Variants in PLCXD3 observed in about 807,000 individuals in gnomAD.
PLCXD3 encodes phosphatidylinositol specific phospholipase C X domain containing 3.
PLCXD3 carries 19 observed loss-of-function variants against 25.5 expected under a neutral mutation model. The ratio of observed to expected loss-of-function variants is 0.75; its 90% CI spans 0.52 to 1.09. The LOEUF (loss-of-function observed/expected upper bound fraction) is 1.09, where lower values mean the gene tolerates loss of function less well. Among genes scored for constraint, PLCXD3 ranks in the 50% least tolerant of loss-of-function variants. The pLI is 0.00. For missense variants in PLCXD3, 411 were observed against 388.1 expected (o/e 1.06, Z -0.50); for synonymous variants, 174 against 137.6 (o/e 1.26, Z -1.85).
chr5:41,489,974 G>C (rs568652511), intron 1 of PLCXD3, among the ~76,000 whole-genome samples: 26 of 152,032 alleles, frequency 1.7e-4, no homozygotes, highest in African/African-American at 6.3e-4. Flanking sequence ...ACACTATGTT[G>C]AATAGGAGCG....
intron 1 of PLCXD3, among the ~76,000 whole-genome samples, chr5:41,473,771 G>A (rs1355735939): frequency 2.0e-5 from 3 of 152,056 alleles, no homozygotes; most frequent in Non-Finnish European, 4.4e-5. Flanking sequence ...TAGTTTTTAT[G>A]GATAGAACCA....
intron 1 of PLCXD3, among the ~76,000 whole-genome samples, chr5:41,480,272 A>G (rs1022653337): frequency 2.0e-5 from 3 of 152,184 alleles, no homozygotes; most frequent in Admixed American, 2.0e-4. Flanking sequence ...TCAAGGACCA[A>G]TGAGTCACCC....
At chr5:41,356,674 A>G (rs1744626124) in intron 2 of PLCXD3, among the ~76,000 whole-genome samples, 1 of 152,242 alleles carries the variant, frequency 6.6e-6, no homozygotes. Context: ...TCATATCTGA[A>G]CAAACCTTTT....
In PLCXD3 at chr5:41,488,696, T is replaced by C. The variant is rs1055664382; in HGVS notation, c.103+21728A>G. Among the ~76,000 whole-genome samples the C allele has an allele frequency of 1.0e-4, 15 of 147,096 alleles. 1 individual carries two copies. Among genetic ancestry groups the C allele is most frequent in the African/African-American group, 3.4e-4 (13 of 37,892 alleles). On this transcript the variant is annotated intron_variant, in intron 1 of 2. Transcript: ENST00000377801. ...GATGGCCAGTGATGGTGAGCATTTT[T>C]TCATGTGGTTTTTGGCTGCATAAAT...
intron 1 of PLCXD3, among the ~76,000 whole-genome samples, chr5:41,437,276 T>C (rs1280183757): frequency 2.0e-5 from 3 of 152,236 alleles, no homozygotes; most frequent in Admixed American, 6.5e-5. Context: ...GAAAGGGCTA[T>C]GGATTTGAGA....
intron 2 of PLCXD3, among the ~76,000 whole-genome samples, chr5:41,375,713 C>G (rs960903463): frequency 1.3e-5 from 2 of 152,056 alleles, no homozygotes; most frequent in African/African-American, 4.8e-5. Flanking sequence ...ACTCTGTCAC[C>G]AGCATAATTT....
chr5:41,396,537 T>G (rs1746013535), intron 1 of PLCXD3, among the ~76,000 whole-genome samples: 1 of 152,186 alleles, frequency 6.6e-6, no homozygotes, highest in African/African-American at 2.4e-5. Flanking sequence ...AGAAAATTAG[T>G]ACCAGAGAAG....
At chr5:41,485,298 G>A (rs942866663) in intron 1 of PLCXD3, among the ~76,000 whole-genome samples, 8 of 152,124 alleles carry the variant, frequency 5.3e-5, no homozygotes, top group Non-Finnish European at 1.2e-4. Context: ...GCAGATGTTT[G>A]GAAGATAGCC....
At chr5:41,339,275 A>C (rs565723462) in intron 2 of PLCXD3, among the ~76,000 whole-genome samples, 2 of 152,240 alleles carry the variant, frequency 1.3e-5, no homozygotes, top group Admixed American at 1.3e-4. Context: ...AAGGGTAGAT[A>C]GTGGTCAGAA....
At chr5:41,509,055 C>A (rs913889256) in intron 1 of PLCXD3, among the ~76,000 whole-genome samples, 1 of 152,180 alleles carries the variant, frequency 6.6e-6, no homozygotes, top group East Asian at 1.9e-4. Context: ...GCCATTGCTG[C>A]CAAACATCCA....
At chr5:41,482,501 T>G (rs1398357122) in intron 1 of PLCXD3, among the ~76,000 whole-genome samples, 1 of 152,146 alleles carries the variant, frequency 6.6e-6, no homozygotes, top group Non-Finnish European at 1.5e-5. Flanking sequence ...GCACGAAGTA[T>G]AATACATTAG....
At chr5:41,326,196 A>C (rs960281731) in intron 2 of PLCXD3, among the ~76,000 whole-genome samples, 1 of 152,132 alleles carries the variant, frequency 6.6e-6, no homozygotes, top group African/African-American at 2.4e-5. Context: ...GCATTCATCT[A>C]ACAAAGATGT....
At chr5:41,331,929 T>C (rs1298213835) in intron 2 of PLCXD3, among the ~76,000 whole-genome samples, 2 of 152,142 alleles carry the variant, frequency 1.3e-5, no homozygotes, top group South Asian at 2.1e-4. Flanking sequence ...TTACACCTGA[T>C]ACAAAAATTA....
At position 41,382,065 on chromosome 5, in the gene PLCXD3, C is replaced by G. The variant is rs758725111; in HGVS notation, c.573G>C (p.Val191=). The part of the protein sequence containing the change: ...LKYLWEKDYQ[V]LVFYHSPVAL... ...CCACTGGACTATGGTAGAAGACCAG[C>G]ACTTGATAGTCCTTCTCCCACAGGT... The change falls in exon 2 of 3, where the codon GTG becomes GTC. Residue 191 remains valine, a synonymous_variant. Transcript: ENST00000377801. 3.7e-6 allele frequency: 6 copies of G among 1,613,558 alleles called. No individual in the cohort carries two copies. The Admixed American group carries it at 8.3e-5, about 22-fold the overall frequency.
chr5:41,347,465 C>T (rs1161307830), intron 2 of PLCXD3, among the ~76,000 whole-genome samples: 1 of 152,188 alleles, frequency 6.6e-6, no homozygotes, highest in East Asian at 1.9e-4. Context: ...CTCACAGCAC[C>T]TCAACACCTT....
chr5:41,441,867 C>T (rs1747392548), intron 1 of PLCXD3, among the ~76,000 whole-genome samples: 1 of 152,162 alleles, frequency 6.6e-6, no homozygotes, highest in Non-Finnish European at 1.5e-5. Context: ...GATACAAATG[C>T]TTGTTTTGAT....
chr5:41,332,876 T>C (rs2150475122), intron 2 of PLCXD3, among the ~76,000 whole-genome samples: 1 of 152,176 alleles, frequency 6.6e-6, no homozygotes, highest in East Asian at 1.9e-4. Flanking sequence ...TTCTCACTCA[T>C]AGGTGGGAAC....
rs151217289 is a variant in PLCXD3, at chr5:41,353,253, C to T, written c.812+28573G>A. ...GATTACAGGCGCCCGCCACCATGCT[C>T]GGCTAATTTTCTGTATTTTTTTTTT... On this transcript the variant is annotated intron_variant, in intron 2 of 2. Coordinates refer to ENST00000377801, the MANE Select transcript of PLCXD3 (RefSeq NM_001005473.3). Among the ~76,000 whole-genome samples, 1,208 of 150,396 alleles carry T rather than the reference C, an allele frequency of 8.0e-3. 16 individuals are homozygous for T. The highest frequency in any genetic ancestry group is 0.029 in the African/African-American group (1,156 of 40,160).
intron 1 of PLCXD3, among the ~76,000 whole-genome samples, chr5:41,453,338 C>T (rs545597184): frequency 6.6e-6 from 1 of 151,738 alleles, no homozygotes; most frequent in East Asian, 2.0e-4. Flanking sequence ...CTACTATGCT[C>T]TGTACCCATT....
Sources: allele counts gnomAD v4.1 joint callset (sites outside exome capture counted in the v4.1 genomes callset), GRCh38; gene constraint gnomAD v4.1.1; transcripts MANE v1.5; gene names NCBI Gene and HGNC (gene_info 2026-07-23, HGNC 2026-07-21).